The following CCDC171 variants were observed in gnomAD, a reference collection of about 807,000 sequenced individuals.
CCDC171 encodes coiled-coil domain-containing protein 171.
In CCDC171, 177 loss-of-function variants were observed where a neutral mutation model predicts 168.2. The observed-to-expected ratio is 1.05, with a 90% CI of 0.93 to 1.19. The LOEUF (loss-of-function observed/expected upper bound fraction) is 1.19, where lower values mean the gene tolerates loss of function less well. CCDC171 is among the 50% of genes most tolerant of loss of function. CCDC171 has a pLI of 0.00. For missense variants in CCDC171, 1,991 were observed against 1,539.0 expected (o/e 1.29, Z -4.91); for synonymous variants, 687 against 540.8 (o/e 1.27, Z -3.75).
intron 21 of CCDC171, among the ~76,000 whole-genome samples, chr9:15,795,050 C>T (rs757133818): frequency 2.0e-5 from 3 of 152,138 alleles, no homozygotes; most frequent in Non-Finnish European, 4.4e-5. Flanking sequence ...CAAAATAGCA[C>T]AGATGGAGTA....
intron 25 of CCDC171, among the ~76,000 whole-genome samples, chr9:15,925,425 A>G (rs1315112358): frequency 1.3e-5 from 2 of 151,648 alleles, no homozygotes; most frequent in Non-Finnish European, 3.0e-5. Flanking sequence ...GAAGAAAGCA[A>G]AGGCGAGAGA....
intron 5 of CCDC171, among the ~76,000 whole-genome samples, chr9:15,593,072 T>A (rs1039756372): frequency 1.3e-5 from 2 of 151,658 alleles, no homozygotes; most frequent in Non-Finnish European, 2.9e-5. Flanking sequence ...CCTTCACTAA[T>A]CTGCACAGAG....
intron 20 of CCDC171, among the ~76,000 whole-genome samples, chr9:15,780,200 A>G (rs372912775): frequency 2.0e-5 from 3 of 152,242 alleles, no homozygotes; most frequent in Admixed American, 1.3e-4. Context: ...AGGCAGGTCA[A>G]GTAATCATGA....
intron 24 of CCDC171, chr9:15,882,975 A>AGTCAGCCTGCCTGCCTGCCTGCCTGCCT (rs1818851729): frequency 9.3e-5 from 1 of 10,728 alleles, no homozygotes; most frequent in African/African-American, 2.8e-4. Context: ...AGCCGATAAA[A>AGTCAGCCTGCCTGCCTGCCTGCCTGCCT]GCCAGCCTGC....
intron 25 of CCDC171, among the ~76,000 whole-genome samples, chr9:15,935,585 A>G (rs986071179): frequency 1.3e-5 from 2 of 152,106 alleles, no homozygotes; most frequent in African/African-American, 4.8e-5. Flanking sequence ...ATATTAGCAT[A>G]TAATATAAAT....
intron 18 of CCDC171, among the ~76,000 whole-genome samples, chr9:15,762,171 T>TTG (rs1302172353): frequency 2.6e-5 from 4 of 151,560 alleles, no homozygotes; most frequent in African/African-American, 9.7e-5. Context: ...TTTTTTTTTT[T>TTG]TAAGAAAGCT....
At chr9:15,645,340 TC>T (rs1251267683) in intron 7 of CCDC171, among the ~76,000 whole-genome samples, 24 of 119,070 alleles carry the variant, frequency 2.0e-4, no homozygotes, top group African/African-American at 7.3e-4. Context: ...CTTCTACCTC[TC>T]CAAAGGAACT....
At chr9:15,983,646 T>C (rs1831877362) in intron 3 of CCDC171, among the ~76,000 whole-genome samples, 1 of 152,144 alleles carries the variant, frequency 6.6e-6, no homozygotes, top group African/African-American at 2.4e-5. Context: ...AACATTTGTG[T>C]TTCATACTGT....
chr9:15,634,082 G>T (rs2045993591), intron 7 of CCDC171, among the ~76,000 whole-genome samples: 1 of 152,098 alleles, frequency 6.6e-6, no homozygotes, highest in East Asian at 1.9e-4. Flanking sequence ...GCTAAATGAT[G>T]AGTTAATGGG....
At chr9:15,764,711 A>T (rs1175268055) in intron 18 of CCDC171, among the ~76,000 whole-genome samples, 1 of 152,252 alleles carries the variant, frequency 6.6e-6, no homozygotes, top group East Asian at 1.9e-4. Context: ...GTCAAGACAG[A>T]TAAAATTGTA....
chr9:15,606,524 G>A (rs1587362672), intron 6 of CCDC171, among the ~76,000 whole-genome samples: 1 of 152,216 alleles, frequency 6.6e-6, no homozygotes, highest in East Asian at 1.9e-4. Context: ...GGGTCTTTCA[G>A]GAGATAATAA....
intron 21 of CCDC171, among the ~76,000 whole-genome samples, chr9:15,810,808 G>C (rs1316193448): frequency 6.6e-6 from 1 of 152,220 alleles, no homozygotes; most frequent in African/African-American, 2.4e-5. Context: ...CACAAGGAGA[G>C]GGAGCTGGCT....
chr9:15,638,401 A>G (rs891851194), intron 7 of CCDC171, among the ~76,000 whole-genome samples: 2 of 152,126 alleles, frequency 1.3e-5, no homozygotes, highest in African/African-American at 2.4e-5. Flanking sequence ...TGCGGAGACA[A>G]TCACTACCAG....
the CCDC171 span, among the ~76,000 whole-genome samples, chr9:16,068,501 T>G: frequency 2.6e-5 from 4 of 152,220 alleles, no homozygotes; most frequent in African/African-American, 9.6e-5. Flanking sequence ...TTCAGTATAC[T>G]GTGATGGCTA....
intron 7 of CCDC171, among the ~76,000 whole-genome samples, chr9:15,624,360 A>G (rs964008550): frequency 9.8e-5 from 15 of 152,302 alleles, no homozygotes; most frequent in Admixed American, 5.9e-4. Flanking sequence ...CATGTGCACA[A>G]CATTCAGGCT....
the CCDC171 span, among the ~76,000 whole-genome samples, chr9:16,100,841 G>A: frequency 6.6e-6 from 1 of 152,206 alleles, no homozygotes; most frequent in East Asian, 1.9e-4. Context: ...CTTCTGTTGG[G>A]GCAGATGGGA....
chr9:15,740,594 C>G (rs1044905722), intron 16 of CCDC171, among the ~76,000 whole-genome samples: 1 of 152,094 alleles, frequency 6.6e-6, no homozygotes, highest in Non-Finnish European at 1.5e-5. Context: ...GCCATCATGA[C>G]TGGCTAATTG....
At chr9:15,643,512 G>C (rs920152984) in intron 7 of CCDC171, among the ~76,000 whole-genome samples, 1 of 152,064 alleles carries the variant, frequency 6.6e-6, no homozygotes, top group Non-Finnish European at 1.5e-5. Flanking sequence ...GTTTAATTTA[G>C]GTGGCTGCCA....
At chr9:15,897,121 C>G (rs1309164256) in intron 24 of CCDC171, among the ~76,000 whole-genome samples, 2 of 152,032 alleles carry the variant, frequency 1.3e-5, no homozygotes, top group Admixed American at 6.6e-5. Context: ...GTTAGATGAG[C>G]TAATCCTATG....
Sources: allele counts gnomAD v4.1 joint callset (sites outside exome capture counted in the v4.1 genomes callset), GRCh38; gene constraint gnomAD v4.1.1; transcripts MANE v1.5; gene names NCBI Gene and HGNC (gene_info 2026-07-23, HGNC 2026-07-21).